The following ADARB2 variants were observed in gnomAD, a reference collection of about 807,000 sequenced individuals.
ADARB2 encodes inactive double-stranded RNA-specific editase B2.
ADARB2 carries 25 observed loss-of-function variants against 62.2 expected under a neutral mutation model. The ratio of observed to expected loss-of-function variants is 0.40; its 90% confidence interval spans 0.29 to 0.56. ADARB2 has a LOEUF of 0.56. ADARB2 is among the 20% of genes least tolerant of loss of function. The pLI, the probability that ADARB2 is intolerant of heterozygous loss-of-function variation, is 0.43. For missense variants in ADARB2, 1,071 were observed against 1,077.4 expected (o/e 0.99, Z 0.08); for synonymous variants, 572 against 500.8 (o/e 1.14, Z -1.90).
intron 1 of ADARB2, among the ~76,000 whole-genome samples, chr10:1,655,001 G>A (rs192288634): frequency 1.3e-5 from 2 of 152,362 alleles, no homozygotes; most frequent in Admixed American, 1.3e-4. Flanking sequence ...CAGCAGGCAG[G>A]CGTGAGGGTG....
At chr10:1,559,616 CCGGTGGGGGGTGGTGCTGAGGTCAG>C (rs1442847815) in intron 1 of ADARB2, among the ~76,000 whole-genome samples, 1 of 152,098 alleles carries the variant, frequency 6.6e-6, no homozygotes, top group Non-Finnish European at 1.5e-5. Context: ...GGAGCCTGGG[CCGGTGGGGGGTGGTGCTGAGGTCAG>C]CGGTGGAGGA....
chr10:1,288,675 A>G (rs960728241), intron 3 of ADARB2, among the ~76,000 whole-genome samples: 2 of 152,158 alleles, frequency 1.3e-5, no homozygotes, highest in Admixed American at 1.3e-4. Flanking sequence ...GCCATGGCAA[A>G]TGCTGCCTCT....
intron 3 of ADARB2, among the ~76,000 whole-genome samples, chr10:1,273,477 AACG>A (rs1044716337): frequency 1.3e-5 from 2 of 152,114 alleles, no homozygotes; most frequent in Admixed American, 1.3e-4. Flanking sequence ...AGTTGCCATG[AACG>A]ACGTCCACAA....
chr10:1,299,394 C>CA (rs1417231547), intron 3 of ADARB2, among the ~76,000 whole-genome samples: 1 of 152,176 alleles, frequency 6.6e-6, no homozygotes, highest in Non-Finnish European at 1.5e-5. Context: ...TGTCCTTCCC[C>CA]TGCCCCTGGT....
chr10:1,541,726 T>C lies in ADARB2; in HGVS notation c.101-162566A>G, dbSNP rs372038500. 3.8e-3 allele frequency among the ~76,000 whole-genome samples: 85 copies of C among 22,190 alleles called. 2 individuals are homozygous for C. The highest frequency in any genetic ancestry group is 9.0e-3 in the East Asian group (2 of 222). 14.6% of individuals were successfully genotyped at this position (22,190 alleles called of 152,430 possible). ...GATCCGTCCAGACCCCACTCAGACG[T>C]AGTTCAGACCCTGGATCACAGCCGT... is the stretch of plus-strand genomic sequence containing the variant. On this transcript the variant is annotated intron_variant, in intron 1 of 9. Coordinates refer to ENST00000381312, the MANE Select transcript of ADARB2 (RefSeq NM_018702.4).
chr10:1,426,237 AG>A lies in ADARB2; in HGVS notation c.101-47078del, dbSNP rs1416852238. ...GGTGAGGCCAAGCAATGCAGCACAC[AG>A]ATGAGCTCTGCAGTGCCAGCCTCAT... On this transcript the variant is annotated intron_variant, in intron 1 of 9. Coordinates refer to ENST00000381312, the MANE Select transcript of ADARB2 (RefSeq NM_018702.4). The surrounding 1 kb of genome is among the most constrained non-coding windows in gnomAD (Gnocchi z 4.1). 6.6e-6 allele frequency among the ~76,000 whole-genome samples: 1 copy of A among 152,166 alleles called. No homozygotes were observed. Among genetic ancestry groups the A allele is most frequent in the African/African-American group, 2.4e-5 (1 of 41,442 alleles).
At chr10:1,395,720 C>G (rs2820595) in intron 1 of ADARB2, among the ~76,000 whole-genome samples, 97,024 of 152,088 alleles carry the variant, frequency 0.64, 31,593 homozygotes, top group Middle Eastern at 0.77. Context: ...GCGTCCTGGG[C>G]AGCTGCGGGA....
intron 4 of ADARB2, 57 bp from the exon 5 acceptor site, chr10:1,242,356 C>G: frequency 6.7e-7 from 1 of 1,492,030 alleles, no homozygotes. Context: ...CTCCCTCCTC[C>G]TCGGTCTTTT....
At chr10:1,394,940 C>G (rs140143392) in intron 1 of ADARB2, 5 of 455,738 alleles carry the variant, frequency 1.1e-5, no homozygotes, top group Non-Finnish European at 2.2e-5. Context: ...TTCTTTCTTT[C>G]GACAAGATCT....
At chr10:1,296,579 T>C (rs551594518) in intron 3 of ADARB2, among the ~76,000 whole-genome samples, 6 of 152,166 alleles carry the variant, frequency 3.9e-5, no homozygotes, top group African/African-American at 1.2e-4. Context: ...GGCCAAGTGC[T>C]CCATCACAAA....
intron 2 of ADARB2, among the ~76,000 whole-genome samples, chr10:1,376,417 C>T (rs1202581877): frequency 3.9e-5 from 6 of 152,224 alleles, no homozygotes; most frequent in Non-Finnish European, 2.9e-5. Flanking sequence ...GGCAGCTTGG[C>T]TGCCAGGACA....
At chr10:1,412,785 C>T (rs796532622) in intron 1 of ADARB2, among the ~76,000 whole-genome samples, 21 of 152,318 alleles carry the variant, frequency 1.4e-4, no homozygotes, top group Admixed American at 3.9e-4. Flanking sequence ...TGGGAAGCTA[C>T]GTTGCTTCTC....
At position 1,329,056 on chromosome 10, in the gene ADARB2, A is replaced by G. The variant is rs111596122; in HGVS notation, c.1077+33972T>C. Among the ~76,000 whole-genome samples the G allele has an allele frequency of 1.7e-4, 26 of 148,760 alleles. 1 individual carries two copies. The highest frequency in any genetic ancestry group is 5.2e-4 in the African/African-American group (21 of 40,596). ...CAGAAGTTAGTTGCTGTGCTAATTT[A>G]TGACATATCTGGTTCAGACACACTG... On this transcript the variant is annotated intron_variant, in intron 3 of 9. Transcript: ENST00000381312.
intron 6 of ADARB2, among the ~76,000 whole-genome samples, chr10:1,217,327 G>A (rs1387995692): frequency 6.6e-6 from 1 of 152,190 alleles, no homozygotes; most frequent in Admixed American, 6.5e-5. Context: ...CAACTTCCCA[G>A]TCAAGGGTCA....
At chr10:1,352,517 C>T (rs907101846) in intron 3 of ADARB2, among the ~76,000 whole-genome samples, 7 of 152,158 alleles carry the variant, frequency 4.6e-5, no homozygotes, top group Admixed American at 2.6e-4. Flanking sequence ...AGAGCCAGGA[C>T]CGCGTCCTGT....
intron 1 of ADARB2, among the ~76,000 whole-genome samples, chr10:1,561,862 C>T (rs1210226782): frequency 1.3e-5 from 2 of 152,232 alleles, no homozygotes; most frequent in African/African-American, 4.8e-5. Flanking sequence ...ATGCTCACTC[C>T]ACTTCCCCTC....
At chr10:1,701,804 C>T (rs533007577) in intron 1 of ADARB2, among the ~76,000 whole-genome samples, 2 of 146,220 alleles carry the variant, frequency 1.4e-5, no homozygotes, top group African/African-American at 2.5e-5. Context: ...ACCGGGCACT[C>T]GCCAATACAC....
chr10:1,359,202 A>C (rs1832225955), intron 3 of ADARB2, among the ~76,000 whole-genome samples: 2 of 152,166 alleles, frequency 1.3e-5, no homozygotes, highest in Admixed American at 1.3e-4. Flanking sequence ...AGGGGTTTGC[A>C]ATGAGCCAGG....
At chr10:1,588,393 G>A (rs1833207645) in intron 1 of ADARB2, among the ~76,000 whole-genome samples, 1 of 152,206 alleles carries the variant, frequency 6.6e-6, no homozygotes. Flanking sequence ...GGTTTTTGGA[G>A]CATGAGCAAC....
Sources: allele counts gnomAD v4.1 joint callset (sites outside exome capture counted in the v4.1 genomes callset), GRCh38; gene constraint gnomAD v4.1.1; non-coding constraint Gnocchi (gnomAD v3.1); transcripts MANE v1.5; gene names NCBI Gene and HGNC (gene_info 2026-07-23, HGNC 2026-07-21).